GOLGA3: variants seen among roughly 807,000 people sequenced by gnomAD.
The protein encoded by GOLGA3 is golgin A3.
GOLGA3 carries 75 observed loss-of-function variants against 169.4 expected under a neutral mutation model. The observed-to-expected ratio is 0.44, with a 90% CI of 0.37 to 0.54. The LOEUF (loss-of-function observed/expected upper bound fraction) is 0.54, where lower values mean the gene tolerates loss of function less well. GOLGA3 is among the 20% of genes least tolerant of loss of function. The probability of loss-of-function intolerance (pLI) is 0.00; values close to 1 mark genes in which losing one functional copy is unlikely to be tolerated. For synonymous variants in GOLGA3, 824 were observed against 822.4 expected (o/e 1.00, Z -0.03); for missense variants, 1,899 against 1,930.0 (o/e 0.98, Z 0.30).
chr12:132,773,042 C>CATTGATAAGATAGATAAAT lies in GOLGA3; in HGVS notation c.*62_*63insATTTATCTATCTTATCAAT. On this transcript the variant is annotated 3_prime_UTR_variant, in exon 24 of 24. Transcript: ENST00000450791. ...CTTAGAAAAACATCGACCACACAATCAAATAAATAACATTGATAAGAGCCT... is the reference window on the plus strand; with the variant it reads ...CTTAGAAAAACATCGACCACACAATCATTGATAAGATAGATAAATAAATAAATAACATTGATAAGAGCCT... The CATTGATAAGATAGATAAAT allele has an allele frequency of 1.7e-6, 2 of 1,185,298 alleles. No homozygotes were observed. The highest frequency in any genetic ancestry group is 2.3e-6 in the Non-Finnish European group (2 of 863,916). 73.4% of individuals were successfully genotyped at this position (1,185,298 alleles called of 1,614,324 possible).
chr12:132,801,425 G>A (rs1017667097), intron 8 of GOLGA3, among the ~76,000 whole-genome samples: 4 of 152,060 alleles, frequency 2.6e-5, no homozygotes, highest in African/African-American at 7.2e-5. Context: ...TCACAGGCAC[G>A]CAACACTGTG....
At chr12:132,788,599 C>T (rs55806229) in intron 13 of GOLGA3, among the ~76,000 whole-genome samples, 15,690 of 152,194 alleles carry the variant, frequency 0.1, 1,102 homozygotes, top group South Asian at 0.16. Flanking sequence ...CACTCAGCCA[C>T]GAGGGACTCC....
chr12:132,819,858 C>T (rs1000493698), intron 2 of GOLGA3, among the ~76,000 whole-genome samples: 6 of 152,068 alleles, frequency 3.9e-5, no homozygotes, highest in African/African-American at 7.2e-5. Context: ...CGGGCAACAG[C>T]AAGACTGTTT....
chr12:132,821,829 G>C (rs550323681), intron 2 of GOLGA3, among the ~76,000 whole-genome samples, 167 bp downstream of exon 2: 10 of 140,268 alleles, frequency 7.1e-5, no homozygotes, highest in Non-Finnish European at 1.4e-4. Context: ...AGTCCAGCCT[G>C]GGCGAAAGAG....
At chr12:132,779,178 C>G (rs1029955793) in intron 18 of GOLGA3, among the ~76,000 whole-genome samples, 3 of 152,134 alleles carry the variant, frequency 2.0e-5, no homozygotes, top group African/African-American at 7.2e-5. Context: ...CCTCCTGGTT[C>G]AAGCGATTCT....
At chr12:132,822,583 T>C (rs752543577) in intron 1 of GOLGA3, among the ~76,000 whole-genome samples, 7 of 152,214 alleles carry the variant, frequency 4.6e-5, no homozygotes, top group Non-Finnish European at 8.8e-5. Flanking sequence ...TCTGAATCTG[T>C]GGAGTAGGTG....
intron 2 of GOLGA3, among the ~76,000 whole-genome samples, chr12:132,819,818 TAACTCAAGGCCAGG>T (rs1471596943): frequency 6.6e-6 from 1 of 152,122 alleles, no homozygotes; most frequent in African/African-American, 2.4e-5. Flanking sequence ...GGTGGAAGGA[TAACTCAAGGCCAGG>T]AATTCAAGAC....
rs921078110 is a variant in GOLGA3, at chr12:132,793,733, G to T, written c.2469+2119C>A. On this transcript the variant is annotated intron_variant, in intron 11 of 23. Transcript: ENST00000450791. The stretch of plus-strand genomic sequence containing the variant: ...GGCTCCACACAGACCCACCACACGG[G>T]ATCTGCACTCGGAGGGCTCCATACA... Among the ~76,000 whole-genome samples the T allele has an allele frequency of 2.5e-4, 38 of 151,718 alleles. 3 individuals are homozygous for T. Among genetic ancestry groups the T allele is most frequent in the Non-Finnish European group, 2.9e-5 (2 of 67,916 alleles).
In GOLGA3 at chr12:132,773,202, G is replaced by A. The variant is rs1201946706; in HGVS notation, c.4400C>T (p.Thr1467Ile). 1 of 1,583,934 alleles carries A rather than the reference G, an allele frequency of 6.3e-7. No individual in the cohort carries two copies. The highest frequency in any genetic ancestry group is 8.6e-7 in the Non-Finnish European group (1 of 1,163,660). ...LSSWTPLEPATASPVPPGGHA... is the reference protein window; with the variant it reads ...LSSWTPLEPAIASPVPPGGHA... ...ACCCCCCGGGGGCACAGGGCTGGCAGTGGCTGGCTCCAGCGGCGTCCACGA... is the reference window on the plus strand; with the variant it reads ...ACCCCCCGGGGGCACAGGGCTGGCAATGGCTGGCTCCAGCGGCGTCCACGA... The change falls in exon 24 of 24, where the codon ACT becomes ATT. Residue 1467 changes from threonine (T) to isoleucine (I), a missense_variant. Transcript: ENST00000450791.
rs1215526193 is a variant in GOLGA3, at chr12:132,777,239, G to C, written c.3723-149C>G. On this transcript the variant is annotated intron_variant, in intron 19 of 23. Transcript: ENST00000450791. The surrounding 1 kb of genome is among the most constrained non-coding windows in gnomAD (Gnocchi z 4.7). ...GCTGCAGCCATGCTTGGTGCCCACA[G>C]TGTGCACTCGGGCAGTCCTCACGAA... 6.3e-6 allele frequency: 5 copies of C among 787,524 alleles called. No individual in the cohort carries two copies. In the African/African-American group the frequency reaches 8.7e-5, roughly 14 times the overall value. The allele number at this position is 787,524 out of a possible 1,614,324, so 48.8% of individuals were successfully genotyped here.
At chr12:132,802,331 A>C (rs1949166075) in intron 7 of GOLGA3, among the ~76,000 whole-genome samples, 1 of 151,074 alleles carries the variant, frequency 6.6e-6, no homozygotes, top group South Asian at 2.1e-4. Flanking sequence ...AACAAGCCTG[A>C]GCAAAGATTC....
chr12:132,822,163 G>T lies in GOLGA3; in HGVS notation c.-35C>A. The T allele has an allele frequency of 6.3e-7, 1 of 1,578,926 alleles. No homozygotes were observed. Among genetic ancestry groups the T allele is most frequent in the Non-Finnish European group, 8.6e-7 (1 of 1,168,176 alleles). On this transcript the variant is annotated 5_prime_UTR_variant, in exon 2 of 24. Coordinates refer to ENST00000450791, the MANE Select transcript of GOLGA3 (RefSeq NM_001389683.1). ...GACACCAGCTGAGCTGACGCTGAGGGGCTACAAGTGAACCTTGGACAAGCT... is the reference window on the plus strand; with the variant it reads ...GACACCAGCTGAGCTGACGCTGAGGTGCTACAAGTGAACCTTGGACAAGCT...
At chr12:132,824,149 T>C (rs1950323054) in intron 1 of GOLGA3, among the ~76,000 whole-genome samples, 1 of 152,214 alleles carries the variant, frequency 6.6e-6, no homozygotes, top group Non-Finnish European at 1.5e-5. Flanking sequence ...TGTGTGTCAC[T>C]GACCCCGCAG....
chr12:132,769,869 T>C lies in GOLGA3; in HGVS notation c.*3236A>G, dbSNP rs563172990. The C allele has an allele frequency of 6.6e-6, 1 of 152,212 alleles. No individual in the cohort carries two copies. Among genetic ancestry groups the C allele is most frequent in the African/African-American group, 2.4e-5 (1 of 41,516 alleles). The allele number at this position is 152,212 out of a possible 1,614,324, so 9.4% of individuals were successfully genotyped here. A position where few individuals can be genotyped will look rare whatever the true frequency, so the allele number is the denominator to read the frequency against. ...TTCAAACTTTATGCACTGAAGTAACTCTGGAAGGTAGAAGTGCCGGGAGAG... is the reference window on the plus strand; with the variant it reads ...TTCAAACTTTATGCACTGAAGTAACCCTGGAAGGTAGAAGTGCCGGGAGAG... On this transcript the variant is annotated 3_prime_UTR_variant, in exon 24 of 24. Transcript: ENST00000450791.
Position 132,789,927 on chromosome 12 carries a change from C to T in GOLGA3, c.2548-637G>A, listed in dbSNP as rs550204583. Among the ~76,000 whole-genome samples the T allele has an allele frequency of 7.9e-5, 12 of 151,832 alleles. No homozygotes were observed. The South Asian group carries it at 1.9e-3, about 24-fold the overall frequency. On this transcript the variant is annotated intron_variant, in intron 12 of 23. Transcript: ENST00000450791. ...GCATGCTTGTAGTCCCAGCTACTCA[C>T]GAGGCTGAGGCATGAGAATCATTTG...
At chr12:132,798,316 C>T in intron 9 of GOLGA3, 24 bp downstream of exon 9, 1 of 1,590,692 alleles carries the variant, frequency 6.3e-7, no homozygotes. Context: ...TCCTAAGCTT[C>T]CACGGCCCCG....
chr12:132,822,458 A>G, intron 1 of GOLGA3, 147 bp from the exon 2 acceptor site: 1 of 532,566 alleles, frequency 1.9e-6, no homozygotes. Flanking sequence ...GAGCACCCAC[A>G]ACATCCTAGG....
chr12:132,808,053 T>G lies in GOLGA3; in HGVS notation c.1016A>C (p.Gln339Pro). The change falls in exon 5 of 24, where the codon CAG becomes CCG. Residue 339 changes from glutamine (Q) to proline (P), a missense_variant. Physicochemically the swap from Gln to Pro is moderately conservative, Grantham distance 76. Coordinates refer to ENST00000450791, the MANE Select transcript of GOLGA3 (RefSeq NM_001389683.1). Reference sequence around the variant, plus strand: ...GCCGTTGACCATATAGGGGGTGTCCTGCGTGCCCACTGTCTTCGACAGAAT... The same window carrying G: ...GCCGTTGACCATATAGGGGGTGTCCGGCGTGCCCACTGTCTTCGACAGAAT... ...YGILSKTVGT[Q>P]DTPYMVNGQE... 1 of 1,601,756 alleles carries G rather than the reference T, an allele frequency of 6.2e-7. No individual in the cohort carries two copies. The highest frequency in any genetic ancestry group is 1.3e-5 in the African/African-American group (1 of 74,744).
intron 6 of GOLGA3, 121 bp from the exon 7 acceptor site, chr12:132,805,143 G>C (rs993598181): frequency 8.8e-7 from 1 of 1,141,408 alleles, no homozygotes; most frequent in Middle Eastern, 2.8e-4. Flanking sequence ...AGACCCCCAG[G>C]CGCTCTCCCA....
Sources: allele counts gnomAD v4.1 joint callset (sites outside exome capture counted in the v4.1 genomes callset), GRCh38; gene constraint gnomAD v4.1.1; non-coding constraint Gnocchi (gnomAD v3.1); transcripts MANE v1.5; gene names NCBI Gene and HGNC (gene_info 2026-07-23, HGNC 2026-07-21).